Variants in RUFY3 observed in about 807,000 individuals in gnomAD.
RUFY3 encodes the protein protein RUFY3.
RUFY3 carries 34 observed loss-of-function variants against 84.0 expected under a neutral mutation model. That is an observed-to-expected ratio of 0.40 (90% confidence interval 0.31 to 0.54). RUFY3 has a LOEUF of 0.54. Ranked by LOEUF, RUFY3 falls within the 20% of genes least tolerant of loss-of-function variation. RUFY3 has a pLI of 0.39. For synonymous variants in RUFY3, 242 were observed against 252.9 expected, an observed-to-expected ratio of 0.96 and a Z score of 0.41; for missense variants, 507 against 736.8, an observed-to-expected ratio of 0.69 and a Z score of 3.61.
chr4:70,803,546 C>G (rs765163499), intron 16 of RUFY3, among the ~76,000 whole-genome samples: 1 of 151,810 alleles, frequency 6.6e-6, no homozygotes, highest in East Asian at 1.9e-4. Context: ...CTCAACTTCC[C>G]GAGCTTAGGC....
rs1000059466 is a variant in RUFY3 at position 70,764,686 on chromosome 4, C to A, written c.572+110C>A. On this transcript the variant is annotated intron_variant, in intron 4 of 17. Transcript: ENST00000381006. The stretch of plus-strand genomic sequence containing the variant: ...TAGATCAGAAACATTTGATTCATAA[C>A]AGCTTCACTGATACTTTCTCTCATA... The A allele has an allele frequency of 1.6e-5, 10 of 627,090 alleles. No homozygotes were observed. In the African/African-American group the frequency reaches 1.8e-4, roughly 12 times the overall value. The allele number at this position is 627,090 out of a possible 1,614,324, so 38.8% of individuals were successfully genotyped here. A position where few individuals can be genotyped will look rare whatever the true frequency, so the allele number is the denominator to read the frequency against.
chr4:70,716,005 T>G (rs147698658), intron 1 of RUFY3, among the ~76,000 whole-genome samples: 5,185 of 151,956 alleles, frequency 0.034, 109 homozygotes, highest in Middle Eastern at 0.065. Flanking sequence ...TCCCAGCTAC[T>G]TGGGAGGCTG....
chr4:70,705,510 C>T (rs569018891), intron 1 of RUFY3, among the ~76,000 whole-genome samples: 2 of 152,286 alleles, frequency 1.3e-5, no homozygotes, highest in South Asian at 4.1e-4. Context: ...CGGATTCTAC[C>T]TCCGCGTCTC....
intron 1 of RUFY3, among the ~76,000 whole-genome samples, chr4:70,727,354 C>CTTTTTT (rs762253929): frequency 0.012 from 1,370 of 118,184 alleles, 22 homozygotes; most frequent in Non-Finnish European, 0.016. Flanking sequence ...AAAGTAATAA[C>CTTTTTT]TTTTTTTTTT....
At chr4:70,801,790 C>A (rs959365350) in intron 15 of RUFY3, among the ~76,000 whole-genome samples, 1 of 152,188 alleles carries the variant, frequency 6.6e-6, no homozygotes, top group Admixed American at 6.5e-5. Flanking sequence ...TATCACCCAT[C>A]TCACATTACA....
chr4:70,796,096 G>T (rs533656252), intron 14 of RUFY3, among the ~76,000 whole-genome samples: 2 of 152,274 alleles, frequency 1.3e-5, no homozygotes, highest in East Asian at 3.9e-4. Flanking sequence ...CTACTTGGGA[G>T]GCTGAGGCAT....
intron 1 of RUFY3, among the ~76,000 whole-genome samples, chr4:70,724,302 A>T (rs1017266529): frequency 1.3e-5 from 2 of 152,156 alleles, no homozygotes; most frequent in African/African-American, 4.8e-5. Flanking sequence ...ATTTTGTTTG[A>T]AAAAAATGTA....
intron 1 of RUFY3, 48 bp downstream of exon 1, chr4:70,722,799 T>C (rs371540865): frequency 6.4e-7 from 1 of 1,565,404 alleles, no homozygotes; most frequent in Non-Finnish European, 8.8e-7. Context: ...TCCTCATTGT[T>C]ATGGGGGAGG....
chr4:70,705,123 G>GC lies in RUFY3; in HGVS notation c.192dup (p.Phe65LeufsTer58). ...GTCGGAGCCCGACTCGCCGGTGGCC[G>GC]CCCCCTTCTTCCTGCTGTACCCCGG... On this transcript the variant is annotated frameshift_variant, in exon 1 of 12. Coordinates refer to the RUFY3 transcript ENST00000417478. LOFTEE classifies it high-confidence loss of function. 7.0e-7 allele frequency: 1 copy of GC among 1,433,672 alleles called. No homozygotes were observed. Among genetic ancestry groups the GC allele is most frequent in the Non-Finnish European group, 9.1e-7 (1 of 1,096,386 alleles). 88.8% of individuals were successfully genotyped at this position (1,433,672 alleles called of 1,614,324 possible).
chr4:70,769,578 T>A (rs569401565), intron 5 of RUFY3, among the ~76,000 whole-genome samples: 117 of 152,338 alleles, frequency 7.7e-4, no homozygotes, highest in African/African-American at 2.7e-3. Flanking sequence ...TGTGGCAATT[T>A]CTTAAAATAA....
intron 1 of RUFY3, among the ~76,000 whole-genome samples, chr4:70,740,174 A>C (rs542251759): frequency 6.6e-6 from 1 of 152,130 alleles, no homozygotes; most frequent in African/African-American, 2.4e-5. Flanking sequence ...CATGTTACCT[A>C]TTGTAGTAAA....
intron 6 of RUFY3, among the ~76,000 whole-genome samples, chr4:70,774,201 G>C (rs919259223): frequency 6.6e-6 from 1 of 151,778 alleles, no homozygotes; most frequent in African/African-American, 2.4e-5. Flanking sequence ...ATAGGTTTGG[G>C]GCCTTAATTT....
upstream of RUFY3, among the ~76,000 whole-genome samples, chr4:70,720,200 C>T (rs140848399): frequency 3.4e-4 from 51 of 152,108 alleles, no homozygotes; most frequent in African/African-American, 1.1e-3. Flanking sequence ...CACATGTGCG[C>T]GCAACCATAC....
In RUFY3 at chr4:70,773,615, A is replaced by AT. The variant is rs758594351; in HGVS notation, c.758+51dup. ...TAGATTTCTTTTCTCCTGATGTAGC[A>AT]TTTTTTTTCCTTTGGTGGTACTTAA... On this transcript the variant is annotated intron_variant, in intron 6 of 17. Coordinates refer to ENST00000381006, the MANE Select transcript of RUFY3 (RefSeq NM_001037442.4). 47 of 1,407,590 alleles carry AT rather than the reference A, an allele frequency of 3.3e-5. 1 individual carries two copies. Among genetic ancestry groups the AT allele is most frequent in the Middle Eastern group, 1.8e-4 (1 of 5,628 alleles). The allele number at this position is 1,407,590 out of a possible 1,614,324, so 87.2% of individuals were successfully genotyped here. A position where few individuals can be genotyped will look rare whatever the true frequency, so the allele number is the denominator to read the frequency against.
rs1178370744 is a variant in RUFY3 at position 70,793,827 on chromosome 4, C to T, written c.1380C>T (p.Asp460=). ...AERSRQSAEL[D]NRLFKQDFGD... Reference sequence around the variant, plus strand: ...GAAGCCGCCAATCTGCTGAGTTGGACAACCGGCTCTTCAAACAGGACTTTG... The same window carrying T: ...GAAGCCGCCAATCTGCTGAGTTGGATAACCGGCTCTTCAAACAGGACTTTG... The change falls in exon 13 of 18, where the codon GAC becomes GAT. Residue 460 remains aspartate, a synonymous_variant. Transcript: ENST00000381006. The T allele has an allele frequency of 3.1e-6, 5 of 1,614,118 alleles. No individual in the cohort carries two copies. The South Asian group carries it at 4.4e-5, about 14-fold the overall frequency.
chr4:70,793,882 G>A lies in RUFY3; in HGVS notation c.1435G>A (p.Val479Ile). The A allele has an allele frequency of 2.5e-6, 4 of 1,614,050 alleles. No individual in the cohort carries two copies. Among genetic ancestry groups the A allele is most frequent in the Non-Finnish European group, 3.4e-6 (4 of 1,179,996 alleles). The change falls in exon 13 of 18, where the codon GTC (valine) becomes ATC (isoleucine). Residue 479 changes from valine (V) to isoleucine (I), a missense_variant. By Grantham distance (29) the Val-to-Ile change is conservative. Around this residue, in one of 4 missense-constraint regions of RUFY3, gnomAD observed 334 missense variants for 364.1 expected, o/e 0.92. Transcript: ENST00000381006. Reference sequence around the variant, plus strand: ...CAAGATCAACAGTCTGCAGCTGGAAGTCGAGGAGCTCACCAGGCAGCGGTG... The same window carrying A: ...CAAGATCAACAGTCTGCAGCTGGAAATCGAGGAGCTCACCAGGCAGCGGTG... ...GDKINSLQLEVEELTRQRNQL... is the reference protein window; with the variant it reads ...GDKINSLQLEIEELTRQRNQL...
At chr4:70,751,777 C>A (rs1723171065) in intron 1 of RUFY3, among the ~76,000 whole-genome samples, 1 of 152,100 alleles carries the variant, frequency 6.6e-6, no homozygotes, top group Non-Finnish European at 1.5e-5. Context: ...TCTTTTGTTG[C>A]TAAACCATTG....
At position 70,713,446 on chromosome 4, in the gene RUFY3, C is replaced by A. The variant is rs77150721; in HGVS notation, c.358+8152C>A. The stretch of plus-strand genomic sequence containing the variant: ...GGTTCATAGTCTCCCTAAAACTTCT[C>A]AAGGCTGCTGGCCAAGGTGGCATTC... On this transcript the variant is annotated intron_variant, in intron 1 of 11. Coordinates refer to the RUFY3 transcript ENST00000417478. Among the ~76,000 whole-genome samples, 1,415 of 152,320 alleles carry A rather than the reference C, an allele frequency of 9.3e-3. 8 individuals are homozygous for A. Among genetic ancestry groups the A allele is most frequent in the South Asian group, 0.034 (165 of 4,826 alleles).
chr4:70,759,293 A>G (rs1368740397), intron 1 of RUFY3, among the ~76,000 whole-genome samples: 1 of 151,702 alleles, frequency 6.6e-6, no homozygotes, highest in Admixed American at 6.6e-5. Context: ...ACTTAACATA[A>G]TGTCCTTTAG....
Sources: allele counts gnomAD v4.1 joint callset (sites outside exome capture counted in the v4.1 genomes callset), GRCh38; gene constraint gnomAD v4.1.1; regional missense constraint gnomAD v4.1.1; transcripts MANE v1.5; gene names NCBI Gene and HGNC (gene_info 2026-07-23, HGNC 2026-07-21).